The following PDGFC variants were observed in gnomAD, a reference collection of about 807,000 sequenced individuals.
The protein encoded by PDGFC is platelet-derived growth factor C.
A neutral mutation model predicts 35.5 loss-of-function variants in PDGFC; 12 were observed. The ratio of observed to expected loss-of-function variants is 0.34; its 90% CI spans 0.22 to 0.55. The LOEUF is 0.55. Ranked by LOEUF, PDGFC falls within the 20% of genes least tolerant of loss-of-function variation. The pLI is 0.91. For missense variants in PDGFC, 322 were observed against 412.4 expected (o/e 0.78, Z 1.90); for synonymous variants, 159 against 148.8 (o/e 1.07, Z -0.50).
chr4:156,883,059 G>A (rs531696606), intron 1 of PDGFC, among the ~76,000 whole-genome samples: 283 of 149,938 alleles, frequency 1.9e-3, no homozygotes, highest in African/African-American at 6.7e-3. Context: ...AATCCAGCCT[G>A]AGCGACAGAG....
chr4:156,969,545 T>G (rs540147004), intron 1 of PDGFC, among the ~76,000 whole-genome samples: 1 of 152,330 alleles, frequency 6.6e-6, no homozygotes, highest in Admixed American at 6.5e-5. Context: ...ACCCTAAAAC[T>G]TTCTGTGCTT....
intron 3 of PDGFC, among the ~76,000 whole-genome samples, chr4:156,795,944 G>A (rs1228113361): frequency 6.6e-6 from 1 of 152,104 alleles, no homozygotes; most frequent in Non-Finnish European, 1.5e-5. Context: ...CTCTGTCGTG[G>A]AGGCAGCAGA....
Position 156,834,339 on chromosome 4 carries a change from A to C in PDGFC, c.314+15882T>G, listed in dbSNP as rs142667036. On this transcript the variant is annotated intron_variant, in intron 2 of 5. Transcript: ENST00000502773. ...GCTGCAATTTGACATTTTTTTCTCA[A>C]AGTACACTAAGATAACATACAATGC... 1.2e-4 allele frequency among the ~76,000 whole-genome samples: 18 copies of C among 152,288 alleles called. No homozygotes were observed. The East Asian group carries it at 3.3e-3, about 28-fold the overall frequency.
intron 1 of PDGFC, among the ~76,000 whole-genome samples, chr4:156,874,777 C>T (rs548850492): frequency 6.6e-5 from 10 of 151,512 alleles, no homozygotes; most frequent in Non-Finnish European, 1.2e-4. Context: ...TGTGCAGTGG[C>T]GCAATCTCAG....
At chr4:156,933,598 C>T (rs533609703) in intron 1 of PDGFC, among the ~76,000 whole-genome samples, 48 of 152,156 alleles carry the variant, frequency 3.2e-4, no homozygotes, top group Non-Finnish European at 5.1e-4. Flanking sequence ...GAAGTGCTGT[C>T]TAGTGTTCCT....
At chr4:156,968,677 C>T (rs765838369) in intron 1 of PDGFC, among the ~76,000 whole-genome samples, 2 of 152,062 alleles carry the variant, frequency 1.3e-5, no homozygotes, top group Non-Finnish European at 2.9e-5. Flanking sequence ...CTCTATATTG[C>T]CCCCTAGTGC....
In PDGFC at chr4:156,767,850, C is replaced by G; in HGVS notation, c.844G>C (p.Gly282Arg). Residue 282 changes from glycine to arginine, a missense_variant, in exon 5 of 6, where the codon GGG becomes CGG. Gly to Arg is a moderately radical substitution (Grantham distance 125, BLOSUM62 -2). Around this residue, in one of 2 missense-constraint regions of PDGFC, gnomAD observed 202 missense variants for 295.9 expected, o/e 0.68. Coordinates refer to ENST00000502773, the MANE Select transcript of PDGFC (RefSeq NM_016205.3). The part of the protein sequence containing the change: ...PGCLLVKRCG[G>R]NCACCLHNCN... ...TTGTGGAGACAACAGGCACAGTTCC[C>G]ACCACAGCGTTTAACCAGGAGACAA... The G allele has an allele frequency of 6.2e-7, 1 of 1,613,420 alleles. No individual in the cohort carries two copies. The highest frequency in any genetic ancestry group is 8.5e-7 in the Non-Finnish European group (1 of 1,179,534).
intron 1 of PDGFC, among the ~76,000 whole-genome samples, chr4:156,951,710 G>C (rs1189229957): frequency 6.9e-6 from 1 of 145,438 alleles, no homozygotes; most frequent in African/African-American, 2.5e-5. Flanking sequence ...ATCTGAGCCT[G>C]AATATCCACT....
chr4:156,875,670 C>A (rs1730097678), intron 1 of PDGFC, among the ~76,000 whole-genome samples: 1 of 152,204 alleles, frequency 6.6e-6, no homozygotes, highest in South Asian at 2.1e-4. Flanking sequence ...GTAATCCCAG[C>A]ACTTTGGGAG....
At chr4:156,967,146 T>A (rs1034266979) in intron 1 of PDGFC, among the ~76,000 whole-genome samples, 6 of 152,090 alleles carry the variant, frequency 3.9e-5, no homozygotes, top group Non-Finnish European at 5.9e-5. Flanking sequence ...TTAGAGCCTA[T>A]TTACTCTTGG....
intron 3 of PDGFC, among the ~76,000 whole-genome samples, chr4:156,790,039 A>G (rs542909727): frequency 4.6e-5 from 7 of 151,788 alleles, no homozygotes; most frequent in African/African-American, 1.7e-4. Flanking sequence ...TGGCAAGAAC[A>G]TGGAATTTTA....
intron 3 of PDGFC, among the ~76,000 whole-genome samples, chr4:156,783,215 T>C (rs1456079327): frequency 1.3e-5 from 2 of 151,966 alleles, no homozygotes; most frequent in South Asian, 2.1e-4. Flanking sequence ...GAGTAGATGG[T>C]GGAAGGTGAG....
At chr4:156,889,290 A>C (rs1305516225) in intron 1 of PDGFC, among the ~76,000 whole-genome samples, 2 of 152,180 alleles carry the variant, frequency 1.3e-5, no homozygotes, top group Non-Finnish European at 2.9e-5. Context: ...TGAACATTAT[A>C]CCTTTCTATT....
chr4:156,860,973 A>G (rs1402229696), intron 1 of PDGFC, among the ~76,000 whole-genome samples: 3 of 152,192 alleles, frequency 2.0e-5, no homozygotes, highest in Non-Finnish European at 4.4e-5. Flanking sequence ...AATTAAAATA[A>G]TTATAAACAG....
At chr4:156,786,542 G>T (rs1246701959) in intron 3 of PDGFC, among the ~76,000 whole-genome samples, 1 of 152,136 alleles carries the variant, frequency 6.6e-6, no homozygotes, top group East Asian at 1.9e-4. Context: ...CTCAAGGAAT[G>T]ACAAGGAGGG....
rs752345309 is a variant in PDGFC at position 156,970,779 on chromosome 4, G to A, written c.118+7C>T. 6.5e-7 allele frequency: 1 copy of A among 1,539,342 alleles called. No individual in the cohort carries two copies. Among genetic ancestry groups the A allele is most frequent in the Non-Finnish European group, 9.0e-7 (1 of 1,111,528 alleles). ...ACAAGCAGGGGGAGAATGGGGGAAA[G>A]ACTCACCGTTCTGTTCCTTGTTGCT... On this transcript the variant is annotated splice_region_variant and intron_variant, in intron 1 of 5. Coordinates refer to ENST00000502773, the MANE Select transcript of PDGFC (RefSeq NM_016205.3).
At chr4:156,910,323 CAAT>C (rs1731009533) in intron 1 of PDGFC, among the ~76,000 whole-genome samples, 1 of 152,126 alleles carries the variant, frequency 6.6e-6, no homozygotes, top group African/African-American at 2.4e-5. Context: ...GACTGTAGTA[CAAT>C]GTCATTACAT....
intron 1 of PDGFC, among the ~76,000 whole-genome samples, chr4:156,928,037 A>AAAAGCGG (rs1181981551): frequency 6.6e-6 from 1 of 152,174 alleles, no homozygotes; most frequent in Non-Finnish European, 1.5e-5. Context: ...AGGAAGATAC[A>AAAAGCGG]AAAGCGGAAA....
Position 156,919,435 on chromosome 4 carries a change from A to C in PDGFC, c.118+51351T>G, listed in dbSNP as rs1731223881. On this transcript the variant is annotated intron_variant, in intron 1 of 5. Transcript: ENST00000502773. ...AACTGAAGAGGGAGAGTTACTCCAG[A>C]GAAAGAAAGCAGACAGCCCAAGTGG... is the stretch of plus-strand genomic sequence containing the variant. Among the ~76,000 whole-genome samples the C allele has an allele frequency of 2.0e-5, 3 of 152,342 alleles. No homozygotes were observed. The South Asian group carries it at 6.2e-4, about 32-fold the overall frequency.
Sources: gnomAD v4.1 joint callset for allele counts (sites outside exome capture counted in the v4.1 genomes callset) on GRCh38, gnomAD v4.1.1 for gene constraint, gnomAD v4.1.1 regional missense constraint, MANE v1.5 for transcripts, NCBI Gene and HGNC (gene_info 2026-07-23, HGNC 2026-07-21) for gene names.